NR4A2: variants seen among roughly 807,000 people sequenced by gnomAD.
The protein encoded by NR4A2 is NGFI-B/nur77 beta-type transcription factor homolog.
In NR4A2, 1 loss-of-function variant was observed where a neutral mutation model predicts 50.5. That is an observed-to-expected ratio of 0.02 (90% CI 0.01 to 0.09). NR4A2 has a LOEUF of 0.09. NR4A2 is among the 10% of genes least tolerant of loss of function. The pLI, the probability that NR4A2 is intolerant of heterozygous loss-of-function variation, is 1.00. For missense variants in NR4A2, 613 were observed against 777.3 expected (o/e 0.79, Z 2.51); for synonymous variants, 328 against 309.4 (o/e 1.06, Z -0.63).
chr2:156,329,489 G>C lies in NR4A2; in HGVS notation c.698C>G (p.Pro233Arg), dbSNP rs1274078109. ...AGACGCGTGGCCGATCTGCAGGCCCGGGAAGCCCATGGACGCGGGCTTGCG... is the reference window on the plus strand; with the variant it reads ...AGACGCGTGGCCGATCTGCAGGCCCCGGAAGCCCATGGACGCGGGCTTGCG... ...PIRKPASMGF[P>R]GLQIGHASQL... is the part of the protein sequence containing the mutation. Residue 233 changes from proline to arginine, a missense_variant, in exon 3 of 8, where the codon CCG (proline) becomes CGG (arginine). Coordinates refer to ENST00000339562, the MANE Select transcript of NR4A2 (RefSeq NM_006186.4). The surrounding 1 kb of genome is among the most constrained non-coding windows in gnomAD (Gnocchi z 7.5). The C allele has an allele frequency of 6.2e-7, 1 of 1,605,826 alleles. No homozygotes were observed. The highest frequency in any genetic ancestry group is 8.5e-7 in the Non-Finnish European group (1 of 1,177,142).
At chr2:156,327,097 G>A (rs939082291) in intron 5 of NR4A2, among the ~76,000 whole-genome samples, 177 bp from the exon 6 acceptor site, 1 of 152,174 alleles carries the variant, frequency 6.6e-6, no homozygotes, top group Non-Finnish European at 1.5e-5. Context: ...GGTGCTACGA[G>A]GTCGCTGCTT....
rs1211471990 is a variant in NR4A2 at position 156,329,885 on chromosome 2, T to G, written c.302A>C (p.Gln101Pro). Residue 101 changes from glutamine to proline, a missense_variant, in exon 3 of 8, where the codon CAG becomes CCG. Around this residue, in one of 4 missense-constraint regions of NR4A2, gnomAD observed 275 missense variants for 248.9 expected, o/e 1.10. Transcript: ENST00000339562. This position sits in a 1 kb window ranked among gnomAD's most constrained non-coding sequence, Gnocchi z 7.5. The stretch of plus-strand genomic sequence containing the variant: ...CTGGGGGGGCAGGTGGCTGTGTTGC[T>G]GGTAGTTGTGCATCTGAATGTCTTC... Reference protein sequence around the residue: ...KVEDIQMHNYQQHSHLPPQSE... With the variant: ...KVEDIQMHNYPQHSHLPPQSE... The G allele has an allele frequency of 1.2e-6, 2 of 1,614,034 alleles. No individual in the cohort carries two copies.
At position 156,328,682 on chromosome 2, in the gene NR4A2, CCTTTTCTTTCTTT is replaced by C; in HGVS notation, c.865-162_865-150del. The C allele has an allele frequency of 9.6e-7, 1 of 1,037,358 alleles. No homozygotes were observed. Among genetic ancestry groups the C allele is most frequent in the Non-Finnish European group, 1.4e-6 (1 of 701,074 alleles). 64.3% of individuals were successfully genotyped at this position (1,037,358 alleles called of 1,614,324 possible). ...CAATTCCATTTTATTTTTTTCTCTT[CCTTTTCTTTCTTT>C]CTTTTCTTTTTTCCTCCCCCAGGGC... On this transcript the variant is annotated intron_variant, in intron 3 of 7. Transcript: ENST00000339562. The surrounding 1 kb of genome is among the most constrained non-coding windows in gnomAD (Gnocchi z 4.9).
In NR4A2 at chr2:156,328,774, T is replaced by C. The variant is rs985788126; in HGVS notation, c.865-241A>G. 1.3e-5 allele frequency among the ~76,000 whole-genome samples: 2 copies of C among 152,212 alleles called. No homozygotes were observed. The highest frequency in any genetic ancestry group is 2.9e-5 in the Non-Finnish European group (2 of 68,038). On this transcript the variant is annotated intron_variant, in intron 3 of 7. Coordinates refer to ENST00000339562, the MANE Select transcript of NR4A2 (RefSeq NM_006186.4). The surrounding 1 kb of genome is among the most constrained non-coding windows in gnomAD (Gnocchi z 4.9). ...ACATTTGAGCTAACCTTGCCGCTCC[T>C]TGCTGTGTTTTATATGCCAAGAGAA...
In NR4A2 at chr2:156,329,475, C is replaced by T. The variant is rs1161100764; in HGVS notation, c.712G>A (p.Gly238Ser). The T allele has an allele frequency of 1.9e-6, 3 of 1,606,716 alleles. No individual in the cohort carries two copies. The African/African-American group carries it at 4.0e-5, about 21-fold the overall frequency. Reference protein sequence around the residue: ...ASMGFPGLQIGHASQLLDTQV... With the variant: ...ASMGFPGLQISHASQLLDTQV... The stretch of plus-strand genomic sequence containing the variant: ...GTGTCGAGCAGCTGAGACGCGTGGC[C>T]GATCTGCAGGCCCGGGAAGCCCATG... Residue 238 changes from glycine to serine, a missense_variant, in exon 3 of 8, where the codon GGC becomes AGC. By Grantham distance (56) the Gly-to-Ser change is moderately conservative. Transcript: ENST00000339562. This position sits in a 1 kb window ranked among gnomAD's most constrained non-coding sequence, Gnocchi z 7.5.
Position 156,329,720 on chromosome 2 carries a change from T to C in NR4A2, c.467A>G (p.Tyr156Cys). 1.9e-6 allele frequency: 3 copies of C among 1,613,960 alleles called. No homozygotes were observed. Among genetic ancestry groups the C allele is most frequent in the Non-Finnish European group, 2.5e-6 (3 of 1,179,916 alleles). Residue 156 changes from tyrosine to cysteine, a missense_variant, in exon 3 of 8, where the codon TAC becomes TGC. By Grantham distance (194) the Tyr-to-Cys change is radical. Transcript: ENST00000339562. The surrounding 1 kb of genome is among the most constrained non-coding windows in gnomAD (Gnocchi z 7.5). ...CTCGATCATGTGCGTAGTGGCCACG[T>C]AGTTCTGGTGGAAGTTGTGGAGAGA... Reference protein sequence around the residue: ...PGSLHNFHQNYVATTHMIEQR... With the variant: ...PGSLHNFHQNCVATTHMIEQR...
In NR4A2 at chr2:156,328,288, C is replaced by T. The variant is rs16840251; in HGVS notation, c.994+116G>A. 2.7e-3 allele frequency: 4,150 copies of T among 1,535,382 alleles called. 13 individuals carry two copies. Among genetic ancestry groups the T allele is most frequent in the South Asian group, 3.6e-3 (321 of 88,742 alleles). On this transcript the variant is annotated intron_variant, in intron 4 of 7. Coordinates refer to ENST00000339562, the MANE Select transcript of NR4A2 (RefSeq NM_006186.4). This position sits in a 1 kb window ranked among gnomAD's most constrained non-coding sequence, Gnocchi z 4.9. ...CAGGCAGCTGCAGGGTCCTGGAGGC[C>T]ATACTGAGGGGGAGTCGGAGATCCC...
chr2:156,332,518 T>C lies in NR4A2; in HGVS notation c.-165A>G. 7.8e-7 allele frequency: 1 copy of C among 1,289,156 alleles called. No individual in the cohort carries two copies. Among genetic ancestry groups the C allele is most frequent in the Non-Finnish European group, 1.0e-6 (1 of 988,656 alleles). The allele number at this position is 1,289,156 out of a possible 1,614,324, so 79.9% of individuals were successfully genotyped here. A position where few individuals can be genotyped will look rare whatever the true frequency, so the allele number is the denominator to read the frequency against. ...GCGTCTGTCTTCATTCATTCAACTC[T>C]GCCGAAGTGCAGTTCCCTCTGGGAG... On this transcript the variant is annotated 5_prime_UTR_variant, in exon 1 of 8. Coordinates refer to ENST00000339562, the MANE Select transcript of NR4A2 (RefSeq NM_006186.4).
rs1686777432 is a variant in NR4A2, at chr2:156,328,940, A to G, written c.864+383T>C. Among the ~76,000 whole-genome samples, 1 of 152,232 alleles carries G rather than the reference A, an allele frequency of 6.6e-6. No homozygotes were observed. The highest frequency in any genetic ancestry group is 2.1e-4 in the South Asian group (1 of 4,832). ...AGATCACTTAATTTGACCATAGGGA[A>G]TTCTGTTCCACTTGGTTAGCTCAGA... On this transcript the variant is annotated intron_variant, in intron 3 of 7. Transcript: ENST00000339562. The surrounding 1 kb of genome is among the most constrained non-coding windows in gnomAD (Gnocchi z 4.9).
chr2:156,328,397 A>G lies in NR4A2; in HGVS notation c.994+7T>C. The G allele has an allele frequency of 1.9e-6, 3 of 1,614,174 alleles. No individual in the cohort carries two copies. Among genetic ancestry groups the G allele is most frequent in the Non-Finnish European group, 2.5e-6 (3 of 1,180,012 alleles). ...AACTGGAGGGTCGGCAGCTCCCCTC[A>G]GCCTACCTTCTTTGACCATCCCAAC... On this transcript the variant is annotated splice_region_variant and intron_variant, in intron 4 of 7. Coordinates refer to ENST00000339562, the MANE Select transcript of NR4A2 (RefSeq NM_006186.4). This position sits in a 1 kb window ranked among gnomAD's most constrained non-coding sequence, Gnocchi z 4.9.
In NR4A2 at chr2:156,332,507, T is replaced by G. The variant is rs1373644435; in HGVS notation, c.-154A>C. 5 of 1,289,090 alleles carry G rather than the reference T, an allele frequency of 3.9e-6. No individual in the cohort carries two copies. The highest frequency in any genetic ancestry group is 1.2e-5 in the South Asian group (1 of 81,032). The allele number at this position is 1,289,090 out of a possible 1,614,324, so 79.9% of individuals were successfully genotyped here. ...AGGAGTTCTCCGCGTCTGTCTTCAT[T>G]CATTCAACTCTGCCGAAGTGCAGTT... is the stretch of plus-strand genomic sequence containing the variant. On this transcript the variant is annotated 5_prime_UTR_variant, in exon 1 of 8. Coordinates refer to ENST00000339562, the MANE Select transcript of NR4A2 (RefSeq NM_006186.4).
Position 156,328,355 on chromosome 2 carries a change from G to T in NR4A2, c.994+49C>A. The stretch of plus-strand genomic sequence containing the variant: ...AACGTGATGCTGGAGTATGAGCAGT[G>T]GTTTCCTAAAGGCGCAAACTGGAGG... On this transcript the variant is annotated intron_variant, in intron 4 of 7. Transcript: ENST00000339562. This position sits in a 1 kb window ranked among gnomAD's most constrained non-coding sequence, Gnocchi z 4.9. The T allele has an allele frequency of 6.2e-7, 1 of 1,613,644 alleles. No homozygotes were observed. The highest frequency in any genetic ancestry group is 8.5e-7 in the Non-Finnish European group (1 of 1,179,726).
In NR4A2 at chr2:156,329,193, G is replaced by C. The variant is rs1361732388; in HGVS notation, c.864+130C>G. 1 of 1,352,246 alleles carries C rather than the reference G, an allele frequency of 7.4e-7. No individual in the cohort carries two copies. 83.8% of individuals were successfully genotyped at this position (1,352,246 alleles called of 1,614,324 possible). On this transcript the variant is annotated intron_variant, in intron 3 of 7. Transcript: ENST00000339562. The surrounding 1 kb of genome is among the most constrained non-coding windows in gnomAD (Gnocchi z 7.5). ...TGGTCTCCTGCAGGGCAGCTTCGGC[G>C]GACCCCGGAGAGCTGGGCAGTCCCG...
At chr2:156,331,417 G>T (rs1686918979) in intron 1 of NR4A2, among the ~76,000 whole-genome samples, 1 of 152,196 alleles carries the variant, frequency 6.6e-6, no homozygotes, top group African/African-American at 2.4e-5. Flanking sequence ...TTGTCTTTCA[G>T]CATCTTTAAT....
Position 156,326,275 on chromosome 2 carries a change from C to G in NR4A2, c.1415G>C (p.Arg472Thr), listed in dbSNP as rs1211791580. The change falls in exon 7 of 8, where the codon AGG (arginine) becomes ACG (threonine). Residue 472 changes from arginine (R) to threonine (T), a missense_variant. Physicochemically the swap from Arg to Thr is moderately conservative, Grantham distance 71. Coordinates refer to ENST00000339562, the MANE Select transcript of NR4A2 (RefSeq NM_006186.4). The surrounding 1 kb of genome is among the most constrained non-coding windows in gnomAD (Gnocchi z 4.2). The part of the protein sequence containing the change: ...LIFCNGVVLH[R>T]LQCVRGFGEW... ...CCCAAAGCCACGAACGCATTGCAACCTGTGCAAGACCACCCCATTGCAAAA... is the reference window on the plus strand; with the variant it reads ...CCCAAAGCCACGAACGCATTGCAACGTGTGCAAGACCACCCCATTGCAAAA... 1 of 1,614,088 alleles carries G rather than the reference C, an allele frequency of 6.2e-7. No individual in the cohort carries two copies. Among genetic ancestry groups the G allele is most frequent in the African/African-American group, 1.3e-5 (1 of 74,926 alleles).
At position 156,329,442 on chromosome 2, in the gene NR4A2, G is replaced by T. The variant is rs761722530; in HGVS notation, c.745C>A (p.Pro249Thr). 5 of 1,608,524 alleles carry T rather than the reference G, an allele frequency of 3.1e-6. No homozygotes were observed. The highest frequency in any genetic ancestry group is 2.2e-5 in the East Asian group (1 of 44,834). Residue 249 changes from proline to threonine, a missense_variant, in exon 3 of 8, where the codon CCC (proline) becomes ACC (threonine). Coordinates refer to ENST00000339562, the MANE Select transcript of NR4A2 (RefSeq NM_006186.4). This position sits in a 1 kb window ranked among gnomAD's most constrained non-coding sequence, Gnocchi z 7.5. ...HASQLLDTQVPSPPSRGSPSN... is the reference protein window; with the variant it reads ...HASQLLDTQVTSPPSRGSPSN... ...GGGGAGCCCCGCGACGGCGGTGAGG[G>T]CACCTGCGTGTCGAGCAGCTGAGAC... is the stretch of plus-strand genomic sequence containing the variant.
chr2:156,329,798 G>A lies in NR4A2; in HGVS notation c.389C>T (p.Pro130Leu), dbSNP rs1439443325. 1 of 1,613,494 alleles carries A rather than the reference G, an allele frequency of 6.2e-7. No individual in the cohort carries two copies. The highest frequency in any genetic ancestry group is 2.2e-5 in the East Asian group (1 of 44,880). The change falls in exon 3 of 8, where the codon CCC becomes CTC. Residue 130 changes from proline to leucine, a missense_variant. Pro to Leu is a moderately conservative substitution (Grantham distance 98). This residue lies in a region of NR4A2 where 275 missense variants were observed against 248.9 expected (regional missense o/e 1.10). Transcript: ENST00000339562. The surrounding 1 kb of genome is among the most constrained non-coding windows in gnomAD (Gnocchi z 7.5). ...CTGCACCTGGAAGCCCGGGGTGGTGGGCGTCGGGGGCGAGGAGGGCTTGTA... is the reference window on the plus strand; with the variant it reads ...CTGCACCTGGAAGCCCGGGGTGGTGAGCGTCGGGGGCGAGGAGGGCTTGTA... ...VYYKPSSPPT[P>L]TTPGFQVQHS...
At chr2:156,330,285 C>T in intron 2 of NR4A2, 97 bp from the exon 3 acceptor site, 1 of 1,461,966 alleles carries the variant, frequency 6.8e-7, no homozygotes, top group Non-Finnish European at 9.4e-7. Context: ...CAGCCCGCGG[C>T]AGTCAGAGAG....
At chr2:156,330,557 TC>T in intron 2 of NR4A2, 110 bp downstream of exon 2, 2 of 1,160,440 alleles carry the variant, frequency 1.7e-6, no homozygotes, top group Non-Finnish European at 1.2e-6. Flanking sequence ...AGAAAGTTGT[TC>T]CCGAAGGCGA....
Sources: gnomAD v4.1 joint callset for allele counts (sites outside exome capture counted in the v4.1 genomes callset) on GRCh38, gnomAD v4.1.1 for gene constraint, gnomAD v4.1.1 regional missense constraint, Gnocchi (gnomAD v3.1) non-coding constraint, MANE v1.5 for transcripts, NCBI Gene and HGNC (gene_info 2026-07-23, HGNC 2026-07-21) for gene names.